The following AUTS2 variants were observed in gnomAD, a reference collection of about 807,000 sequenced individuals.
AUTS2 encodes autism susceptibility gene 2 protein.
In AUTS2, 17 loss-of-function variants were observed where a neutral mutation model predicts 112.4. The observed-to-expected ratio is 0.15, with a 90% CI of 0.10 to 0.23. The LOEUF (loss-of-function observed/expected upper bound fraction) is 0.23, where lower values mean the gene tolerates loss of function less well. Ranked by LOEUF, AUTS2 falls within the 10% of genes least tolerant of loss-of-function variation. The probability of loss-of-function intolerance (pLI) is 1.00; values close to 1 mark genes in which losing one functional copy is unlikely to be tolerated. For synonymous variants in AUTS2, 751 were observed against 702.7 expected, an observed-to-expected ratio of 1.07 and a Z score of -1.09; for missense variants, 1,510 against 1,701.6, an observed-to-expected ratio of 0.89 and a Z score of 1.98.
At chr7:70,537,219 T>C (rs1010094986) in intron 5 of AUTS2, among the ~76,000 whole-genome samples, 4 of 152,232 alleles carry the variant, frequency 2.6e-5, no homozygotes, top group Admixed American at 2.6e-4. Flanking sequence ...CTGTACATAG[T>C]AGATCCTCCA....
At chr7:70,613,723 G>A (rs1303794406) in intron 5 of AUTS2, among the ~76,000 whole-genome samples, 1 of 152,152 alleles carries the variant, frequency 6.6e-6, no homozygotes, top group East Asian at 1.9e-4. Flanking sequence ...CCCTAAATAG[G>A]AGGGGAATGG....
chr7:70,304,613 A>G (rs915710632), intron 4 of AUTS2, among the ~76,000 whole-genome samples: 6 of 152,158 alleles, frequency 3.9e-5, no homozygotes, highest in Non-Finnish European at 8.8e-5. Context: ...CACAGAGGGG[A>G]AAACTTCCTG....
At chr7:70,639,215 TA>T (rs1805680752) in intron 5 of AUTS2, among the ~76,000 whole-genome samples, 1 of 152,142 alleles carries the variant, frequency 6.6e-6, no homozygotes, top group Non-Finnish European at 1.5e-5. Context: ...GCCTTCTCAC[TA>T]GACGAAAGAA....
At chr7:70,482,173 C>G (rs1006851987) in intron 5 of AUTS2, among the ~76,000 whole-genome samples, 2 of 152,128 alleles carry the variant, frequency 1.3e-5, no homozygotes, top group Admixed American at 6.6e-5. Flanking sequence ...TTCAGTAAGA[C>G]ACATCAAGCA....
chr7:69,827,405 C>T (rs574441378), intron 1 of AUTS2, among the ~76,000 whole-genome samples: 14 of 151,654 alleles, frequency 9.2e-5, no homozygotes, highest in South Asian at 4.2e-4. Context: ...ACTTATCCTG[C>T]GTAGATGGAT....
intron 1 of AUTS2, among the ~76,000 whole-genome samples, chr7:69,861,246 G>C (rs895086022): frequency 6.6e-6 from 1 of 152,200 alleles, no homozygotes; most frequent in African/African-American, 2.4e-5. Flanking sequence ...AGCAATGCTT[G>C]AAGGACCCAT....
At position 70,185,257 on chromosome 7, in the gene AUTS2, CTTT is replaced by C. The variant is rs35215443; in HGVS notation, c.660+50711_660+50713del. 9.8e-4 allele frequency among the ~76,000 whole-genome samples: 85 copies of C among 87,100 alleles called. 1 individual carries two copies. Among genetic ancestry groups the C allele is most frequent in the African/African-American group, 1.8e-3 (39 of 21,902 alleles). The allele number at this position is 87,100 out of a possible 152,430, so 57.1% of individuals were successfully genotyped here. On this transcript the variant is annotated intron_variant, in intron 4 of 18. Transcript: ENST00000342771. ...TGCTTTGGGCCTAAATGACATTAAA[CTTT>C]TTTTTTTTTTTTTTTTTTTTTTTTA...
chr7:70,486,211 G>A (rs563621068), intron 5 of AUTS2, among the ~76,000 whole-genome samples: 3 of 152,244 alleles, frequency 2.0e-5, no homozygotes, highest in South Asian at 4.2e-4. Context: ...AGTCCTCCAA[G>A]GGCACAGGGC....
intron 1 of AUTS2, among the ~76,000 whole-genome samples, chr7:69,693,267 C>T (rs779239182): frequency 6.6e-6 from 1 of 152,212 alleles, no homozygotes; most frequent in Non-Finnish European, 1.5e-5. Flanking sequence ...GTATTTTGGA[C>T]ATTCTGTAAA....
At chr7:69,613,915 C>G (rs1202791472) in intron 1 of AUTS2, among the ~76,000 whole-genome samples, 1 of 152,150 alleles carries the variant, frequency 6.6e-6, no homozygotes, top group Non-Finnish European at 1.5e-5. Context: ...TTGATTTCCT[C>G]TGTCATTGTT....
chr7:70,713,877 C>T lies in AUTS2; in HGVS notation c.742+15257C>T, dbSNP rs1810202317. Among the ~76,000 whole-genome samples the T allele has an allele frequency of 1.3e-4, 18 of 143,736 alleles. No individual in the cohort carries two copies. The South Asian group carries it at 4.0e-3, about 32-fold the overall frequency. The allele number at this position is 143,736 out of a possible 152,430, so 94.3% of individuals were successfully genotyped here. A position where few individuals can be genotyped will look rare whatever the true frequency, so the allele number is the denominator to read the frequency against. ...CGCCATTGCACTCCAGCCTGGGCGACAGAACAAGACTCCGTCTCAAAAAAA... is the reference window on the plus strand; with the variant it reads ...CGCCATTGCACTCCAGCCTGGGCGATAGAACAAGACTCCGTCTCAAAAAAA... On this transcript the variant is annotated intron_variant, in intron 6 of 18. Coordinates refer to ENST00000342771, the MANE Select transcript of AUTS2 (RefSeq NM_015570.4).
chr7:70,736,550 A>G (rs925437525), intron 6 of AUTS2, among the ~76,000 whole-genome samples: 1 of 152,238 alleles, frequency 6.6e-6, no homozygotes, highest in Non-Finnish European at 1.5e-5. Context: ...AGGTACGTCT[A>G]TTCCTACTTT....
chr7:70,173,540 C>T (rs1042071549), intron 4 of AUTS2, among the ~76,000 whole-genome samples: 1 of 152,100 alleles, frequency 6.6e-6, no homozygotes, highest in Non-Finnish European at 1.5e-5. Context: ...GTCATTCATT[C>T]GTACTTCCAA....
In AUTS2 at chr7:69,668,114, A is replaced by G. The variant is rs1466677756; in HGVS notation, c.309+68152A>G. 3.3e-5 allele frequency among the ~76,000 whole-genome samples: 5 copies of G among 152,296 alleles called. No homozygotes were observed. In the East Asian group the frequency reaches 9.6e-4, roughly 29 times the overall value. The stretch of plus-strand genomic sequence containing the variant: ...ATCCAGGTGACTCTCCTAATAGTTG[A>G]CACACAGTGGGTGGAGGGATTGGGT... On this transcript the variant is annotated intron_variant, in intron 1 of 18. Coordinates refer to ENST00000342771, the MANE Select transcript of AUTS2 (RefSeq NM_015570.4).
chr7:70,215,201 G>C (rs1811110670), intron 4 of AUTS2, among the ~76,000 whole-genome samples: 1 of 152,188 alleles, frequency 6.6e-6, no homozygotes, highest in Non-Finnish European at 1.5e-5. Flanking sequence ...AATCACTGGA[G>C]TCCAGGAGTT....
chr7:70,712,243 C>T (rs1009320113), intron 6 of AUTS2, among the ~76,000 whole-genome samples: 4 of 121,620 alleles, frequency 3.3e-5, no homozygotes, highest in African/African-American at 1.3e-4. Context: ...GACAGGGTTT[C>T]ACCACATTGC....
At chr7:70,731,077 T>G (rs1316843410) in intron 6 of AUTS2, among the ~76,000 whole-genome samples, 1 of 152,230 alleles carries the variant, frequency 6.6e-6, no homozygotes, top group Non-Finnish European at 1.5e-5. Context: ...ATTTGCCCAC[T>G]GTTAAGTGGG....
At chr7:70,581,056 A>G (rs1227643722) in intron 5 of AUTS2, among the ~76,000 whole-genome samples, 1 of 152,238 alleles carries the variant, frequency 6.6e-6, no homozygotes, top group Admixed American at 6.5e-5. Context: ...GCTAGCCTGG[A>G]CAACCCAGTG....
chr7:70,017,856 A>G, intron 2 of AUTS2, among the ~76,000 whole-genome samples: 1 of 148,134 alleles, frequency 6.8e-6, no homozygotes, highest in South Asian at 2.1e-4. Flanking sequence ...TTATATATTT[A>G]TATTATATTT....
Sources: gnomAD v4.1 joint callset for allele counts (sites outside exome capture counted in the v4.1 genomes callset) on GRCh38, gnomAD v4.1.1 for gene constraint, MANE v1.5 for transcripts, NCBI Gene and HGNC (gene_info 2026-07-23, HGNC 2026-07-21) for gene names.